Variants in NPAS3 observed in about 807,000 individuals in gnomAD.
The protein encoded by NPAS3 is neuronal PAS domain-containing protein 3.
In NPAS3, 14 loss-of-function variants were observed where a neutral mutation model predicts 73.1. The observed-to-expected ratio is 0.19, with a 90% CI of 0.13 to 0.30. The LOEUF is 0.30. Ranked by LOEUF, NPAS3 falls within the 10% of genes least tolerant of loss-of-function variation. NPAS3 has a pLI of 1.00. For missense variants in NPAS3, 1,096 were observed against 1,250.0 expected (o/e 0.88, Z 1.86); for synonymous variants, 620 against 541.5 (o/e 1.14, Z -2.01).
At chr14:33,495,527 T>A (rs1414553466) in intron 4 of NPAS3, among the ~76,000 whole-genome samples, 1 of 152,166 alleles carries the variant, frequency 6.6e-6, no homozygotes, top group East Asian at 1.9e-4. Context: ...TTGAATATCC[T>A]TGTTAATTTT....
At chr14:33,568,931 A>G (rs1051133968) in intron 5 of NPAS3, among the ~76,000 whole-genome samples, 2 of 152,184 alleles carry the variant, frequency 1.3e-5, no homozygotes, top group Non-Finnish European at 2.9e-5. Flanking sequence ...TCTTAAAATC[A>G]TCATTGTTAA....
intron 1 of NPAS3, 27 bp downstream of exon 1, chr14:32,939,393 G>T: frequency 1.6e-6 from 1 of 626,640 alleles, no homozygotes; most frequent in Non-Finnish European, 2.8e-6. Context: ...TATTGAACCT[G>T]CCGCCGGGCC....
In NPAS3 at chr14:33,769,763, T is replaced by C. The variant is rs554651950; in HGVS notation, c.853-4574T>C. Among the ~76,000 whole-genome samples, 11 of 129,360 alleles carry C rather than the reference T, an allele frequency of 8.5e-5. No homozygotes were observed. In the South Asian group the frequency reaches 1.9e-3, roughly 23 times the overall value. 84.9% of individuals were successfully genotyped at this position (129,360 alleles called of 152,430 possible). ...GACTTGGATTTTTTTTTTCTTTTTT[T>C]TTTTTTTTTTTTTTTTTTTGAGACA... On this transcript the variant is annotated intron_variant, in intron 7 of 11. Transcript: ENST00000356141.
intron 2 of NPAS3, among the ~76,000 whole-genome samples, chr14:33,182,845 C>G (rs77838475): frequency 0.019 from 2,963 of 152,246 alleles, 49 homozygotes; most frequent in Admixed American, 0.04. Flanking sequence ...TTGGAAACAG[C>G]AATGAATGCT....
chr14:33,256,134 A>C (rs890938881), intron 3 of NPAS3, among the ~76,000 whole-genome samples: 1 of 152,182 alleles, frequency 6.6e-6, no homozygotes, highest in African/African-American at 2.4e-5. Context: ...TTCATAATTT[A>C]GGTAAAGCCT....
At chr14:33,315,188 G>C (rs570378856) in intron 3 of NPAS3, among the ~76,000 whole-genome samples, 8 of 152,156 alleles carry the variant, frequency 5.3e-5, no homozygotes, top group African/African-American at 1.7e-4. Context: ...ACGCTGGTGG[G>C]TTGTCTCAGG....
At chr14:33,611,173 A>G (rs972479899) in intron 5 of NPAS3, 1 of 152,234 alleles carries the variant, frequency 6.6e-6, no homozygotes, top group Admixed American at 6.5e-5. Flanking sequence ...ATACAGAGCT[A>G]TGGCTGCCAC....
intron 1 of NPAS3, among the ~76,000 whole-genome samples, chr14:32,968,674 G>C (rs2037289159): frequency 6.6e-6 from 1 of 152,084 alleles, no homozygotes; most frequent in African/African-American, 2.4e-5. Context: ...ATCTCTGAGG[G>C]GCAGGAATCT....
At chr14:33,676,146 T>C in intron 5 of NPAS3, 65 bp from the exon 6 acceptor site, 1 of 1,516,684 alleles carries the variant, frequency 6.6e-7, no homozygotes, top group South Asian at 1.2e-5. Context: ...AATCACTGTG[T>C]TGAATTTGAA....
rs562954506 is a variant in NPAS3, at chr14:33,007,179, T to C, written c.51-48726T>C. On this transcript the variant is annotated intron_variant, in intron 1 of 11. Transcript: ENST00000356141. Reference sequence around the variant, plus strand: ...ATAAGTACCCCTTTCTAAGTGTGGATTGTAGGAGCCACAGAATGTGAGGAC... The same window carrying C: ...ATAAGTACCCCTTTCTAAGTGTGGACTGTAGGAGCCACAGAATGTGAGGAC... 3.3e-5 allele frequency among the ~76,000 whole-genome samples: 5 copies of C among 152,292 alleles called. No individual in the cohort carries two copies. The East Asian group carries it at 9.6e-4, about 29-fold the overall frequency.
At chr14:33,191,961 G>GT (rs1408451302) in intron 2 of NPAS3, among the ~76,000 whole-genome samples, 3 of 152,100 alleles carry the variant, frequency 2.0e-5, no homozygotes, top group African/African-American at 4.8e-5. Flanking sequence ...TGTGTGTGTG[G>GT]TTTTTTTAAA....
chr14:33,062,574 A>G (rs1479899046), intron 2 of NPAS3, among the ~76,000 whole-genome samples: 6 of 152,240 alleles, frequency 3.9e-5, no homozygotes, highest in Admixed American at 3.9e-4. Flanking sequence ...ACCGGAGTGT[A>G]TATTTTCATT....
Position 33,800,613 on chromosome 14 carries a change from G to C in NPAS3, c.2306G>C (p.Gly769Ala), listed in dbSNP as rs759209493. 1 of 1,339,352 alleles carries C rather than the reference G, an allele frequency of 7.5e-7. No homozygotes were observed. The highest frequency in any genetic ancestry group is 9.5e-7 in the Non-Finnish European group (1 of 1,053,010). The allele number at this position is 1,339,352 out of a possible 1,614,324, so 83.0% of individuals were successfully genotyped here. ...GGGAACGGCGGCGGGGGCGGGGGCGGGGGCGGCGGCGCGGGGGGCGGCGGC... is the reference window on the plus strand; with the variant it reads ...GGGAACGGCGGCGGGGGCGGGGGCGCGGGCGGCGGCGCGGGGGGCGGCGGC... The change falls in exon 12 of 12, where the codon GGG becomes GCG. Residue 769 changes from glycine to alanine, a missense_variant. Transcript: ENST00000356141. The surrounding 1 kb of genome is among the most constrained non-coding windows in gnomAD (Gnocchi z 6.5).
chr14:33,234,709 AT>A (rs1229312223), intron 3 of NPAS3, among the ~76,000 whole-genome samples: 1 of 151,936 alleles, frequency 6.6e-6, no homozygotes, highest in Non-Finnish European at 1.5e-5. Flanking sequence ...AGTGTGCATA[AT>A]TTTTTTGTTT....
At chr14:33,198,232 CCACAG>C (rs2046457124) in intron 2 of NPAS3, among the ~76,000 whole-genome samples, 1 of 152,188 alleles carries the variant, frequency 6.6e-6, no homozygotes, top group Non-Finnish European at 1.5e-5. Context: ...AACAAAGCTT[CCACAG>C]CATGGAAGGG....
chr14:33,678,469 A>G (rs2059832785), intron 6 of NPAS3, among the ~76,000 whole-genome samples: 1 of 151,896 alleles, frequency 6.6e-6, no homozygotes, highest in African/African-American at 2.4e-5. Context: ...ACCCTTATTC[A>G]ATGGCGTGTT....
At chr14:33,589,219 C>CT (rs923274092) in intron 5 of NPAS3, among the ~76,000 whole-genome samples, 3 of 152,282 alleles carry the variant, frequency 2.0e-5, no homozygotes, top group African/African-American at 7.2e-5. Context: ...AATATAATGA[C>CT]TTTTGTCCAT....
At chr14:33,438,123 AC>A (rs1377446516) in intron 4 of NPAS3, among the ~76,000 whole-genome samples, 1 of 152,242 alleles carries the variant, frequency 6.6e-6, no homozygotes, top group Non-Finnish European at 1.5e-5. Flanking sequence ...ATTTAAAAAA[AC>A]AACTGATAAT....
chr14:33,317,245 A>T (rs1566790098), intron 3 of NPAS3, among the ~76,000 whole-genome samples: 2 of 152,114 alleles, frequency 1.3e-5, no homozygotes, highest in Admixed American at 6.6e-5. Context: ...GAAGTATTTC[A>T]TCACAGCACA....
Sources: gnomAD v4.1 joint callset for allele counts (sites outside exome capture counted in the v4.1 genomes callset) on GRCh38, gnomAD v4.1.1 for gene constraint, Gnocchi (gnomAD v3.1) non-coding constraint, MANE v1.5 for transcripts, NCBI Gene and HGNC (gene_info 2026-07-23, HGNC 2026-07-21) for gene names.